RIT2: variants seen among roughly 807,000 people sequenced by gnomAD.
RIT2 encodes the protein Ras like without CAAX 2, also known as GTP-binding protein Rit2.
RIT2 carries 24 observed loss-of-function variants against 23.7 expected under a neutral mutation model. That is an observed-to-expected ratio of 1.01 (90% CI 0.73 to 1.43). The LOEUF is 1.43. Among genes scored for constraint, RIT2 ranks in the 40% most tolerant of loss-of-function variants. The pLI, the probability that RIT2 is intolerant of heterozygous loss-of-function variation, is 0.00. For missense variants in RIT2, 236 were observed against 266.9 expected (o/e 0.88, Z 0.81); for synonymous variants, 107 against 91.1 (o/e 1.17, Z -0.99).
At chr18:42,842,610 C>A (rs1377572303) in intron 4 of RIT2, among the ~76,000 whole-genome samples, 1 of 152,048 alleles carries the variant, frequency 6.6e-6, no homozygotes, top group Non-Finnish European at 1.5e-5. Context: ...TTATGTCTTC[C>A]TACCTCAAAC....
intron 1 of RIT2, among the ~76,000 whole-genome samples, chr18:43,080,915 A>T (rs183745214): frequency 2.6e-5 from 4 of 152,308 alleles, no homozygotes; most frequent in African/African-American, 9.6e-5. Context: ...ACTTTTGAGG[A>T]TGAAAAAGGA....
chr18:42,943,990 A>C (rs1909665638), intron 3 of RIT2, among the ~76,000 whole-genome samples: 1 of 152,104 alleles, frequency 6.6e-6, no homozygotes, highest in South Asian at 2.1e-4. Flanking sequence ...CTTTATTGCA[A>C]TAGACTCCTA....
intron 2 of RIT2, among the ~76,000 whole-genome samples, chr18:42,990,278 G>T (rs1910811093): frequency 6.6e-6 from 1 of 152,036 alleles, no homozygotes; most frequent in Non-Finnish European, 1.5e-5. Flanking sequence ...AGCTTTTTAA[G>T]GTCTTCAATG....
At chr18:42,837,153 C>CTTTTTTT (rs570701535) in intron 4 of RIT2, among the ~76,000 whole-genome samples, 5,469 of 51,944 alleles carry the variant, frequency 0.11, 480 homozygotes, top group Non-Finnish European at 0.13. Context: ...TTTTCTTTTT[C>CTTTTTTT]TTTTTTTTTT....
chr18:42,995,076 A>C (rs983462350), intron 2 of RIT2, among the ~76,000 whole-genome samples: 3 of 152,030 alleles, frequency 2.0e-5, no homozygotes, highest in African/African-American at 7.2e-5. Flanking sequence ...CCTCACCCTG[A>C]TCACACTTAG....
intron 2 of RIT2, among the ~76,000 whole-genome samples, chr18:42,977,248 T>TTCTGTAAAACACAGTTTTACACATTA (rs565357474): frequency 6.6e-5 from 10 of 152,060 alleles, no homozygotes; most frequent in South Asian, 2.1e-4. Flanking sequence ...ATATCTATAC[T>TTCTGTAAAACACAGTTTTACACATTA]TCTGTAAAAC....
intron 4 of RIT2, among the ~76,000 whole-genome samples, chr18:42,820,427 C>G (rs1196557380): frequency 6.6e-6 from 1 of 152,056 alleles, no homozygotes; most frequent in Non-Finnish European, 1.5e-5. Context: ...TAGTATTCTT[C>G]TCTGGTCTCT....
chr18:42,796,845 A>G (rs946760050), intron 4 of RIT2, among the ~76,000 whole-genome samples: 1 of 152,230 alleles, frequency 6.6e-6, no homozygotes, highest in Non-Finnish European at 1.5e-5. Flanking sequence ...TAAATTGTAA[A>G]TATTACTTAA....
chr18:42,946,165 A>G (rs1382572616), intron 3 of RIT2, among the ~76,000 whole-genome samples: 6 of 151,614 alleles, frequency 4.0e-5, no homozygotes, highest in African/African-American at 1.5e-4. Flanking sequence ...TTAAAGGAAT[A>G]CAAACCTGCA....
chr18:43,039,867 A>G (rs1303181982), intron 1 of RIT2, among the ~76,000 whole-genome samples: 1 of 152,186 alleles, frequency 6.6e-6, no homozygotes, highest in Non-Finnish European at 1.5e-5. Flanking sequence ...GATCTTCAAA[A>G]CTTGATGCTG....
intron 4 of RIT2, among the ~76,000 whole-genome samples, chr18:42,825,407 G>T (rs910774395): frequency 6.6e-6 from 1 of 151,652 alleles, no homozygotes; most frequent in Non-Finnish European, 1.5e-5. Flanking sequence ...TTGATTAAAA[G>T]AAAATATTTC....
chr18:42,952,578 G>A (rs1414321782), intron 3 of RIT2, among the ~76,000 whole-genome samples: 3 of 152,008 alleles, frequency 2.0e-5, no homozygotes, highest in Non-Finnish European at 2.9e-5. Flanking sequence ...GGAAATTTCT[G>A]GAGGTGATGA....
At chr18:43,008,735 C>T (rs993763534) in intron 2 of RIT2, among the ~76,000 whole-genome samples, 18 of 151,320 alleles carry the variant, frequency 1.2e-4, no homozygotes, top group Non-Finnish European at 2.7e-4. Flanking sequence ...CTTGGGATAG[C>T]TTAGTATAAA....
chr18:42,886,300 G>A (rs4890416), intron 4 of RIT2, among the ~76,000 whole-genome samples: 15,993 of 152,104 alleles, frequency 0.11, 964 homozygotes, highest in Middle Eastern at 0.25. Flanking sequence ...ATTCTATTGC[G>A]CGCAGAATAA....
intron 4 of RIT2, among the ~76,000 whole-genome samples, chr18:42,881,755 T>C (rs1907900778): frequency 6.6e-6 from 1 of 152,190 alleles, no homozygotes; most frequent in Non-Finnish European, 1.5e-5. Context: ...GTTATAACTA[T>C]TGCTTAGCAC....
At chr18:43,001,870 C>G (rs1911115814) in intron 2 of RIT2, among the ~76,000 whole-genome samples, 1 of 151,952 alleles carries the variant, frequency 6.6e-6, no homozygotes, top group East Asian at 1.9e-4. Context: ...TGAGGAATAA[C>G]TCCTCTCTCA....
intron 4 of RIT2, among the ~76,000 whole-genome samples, chr18:42,844,097 G>A (rs1029163157): frequency 6.6e-6 from 1 of 152,190 alleles, no homozygotes; most frequent in Non-Finnish European, 1.5e-5. Context: ...GTGAGAGGGA[G>A]AATGTGAGCA....
chr18:43,008,387 T>C (rs535484646), intron 2 of RIT2, among the ~76,000 whole-genome samples: 235 of 151,478 alleles, frequency 1.6e-3, no homozygotes, highest in African/African-American at 5.2e-3. Context: ...AGTTATAAAA[T>C]TATAAAGAAA....
chr18:43,038,336 G>C (rs961166525), intron 1 of RIT2, among the ~76,000 whole-genome samples: 1 of 100,856 alleles, frequency 9.9e-6, no homozygotes, highest in African/African-American at 3.7e-5. Context: ...TTTACATATT[G>C]TTGTTTTTAT....
Sources: gnomAD v4.1 joint callset for allele counts (sites outside exome capture counted in the v4.1 genomes callset) on GRCh38, gnomAD v4.1.1 for gene constraint, MANE v1.5 for transcripts, NCBI Gene and HGNC (gene_info 2026-07-23, HGNC 2026-07-21) for gene names.